ANKRD11: variants seen among roughly 807,000 people sequenced by gnomAD.
The protein encoded by ANKRD11 is ankyrin repeat domain-containing protein 11.
ANKRD11 carries 17 observed loss-of-function variants against 195.7 expected under a neutral mutation model. The observed-to-expected ratio is 0.09, with a 90% CI of 0.06 to 0.13. ANKRD11 has a LOEUF of 0.13. Among genes scored for constraint, ANKRD11 ranks in the 10% least tolerant of loss-of-function variants. ANKRD11 has a pLI of 1.00. For synonymous variants in ANKRD11, 1,953 were observed against 1,528.1 expected (o/e 1.28, Z -6.49); for missense variants, 3,735 against 3,566.1 (o/e 1.05, Z -1.21).
chr16:89,470,359 G>C (rs991616119), intron 1 of ANKRD11, among the ~76,000 whole-genome samples: 2 of 152,120 alleles, frequency 1.3e-5, no homozygotes, highest in African/African-American at 2.4e-5. Context: ...GCACTATTAG[G>C]ACAGGCACAC....
intron 1 of ANKRD11, among the ~76,000 whole-genome samples, chr16:89,456,957 C>CCT (rs1343370236): frequency 2.9e-5 from 4 of 138,228 alleles, no homozygotes; most frequent in Admixed American, 7.3e-5. Context: ...TTATGTGAGT[C>CCT]TTTTTTTTTT....
At position 89,437,166 on chromosome 16, in the gene ANKRD11, G is replaced by A. The variant is rs183188187; in HGVS notation, c.-144-18798C>T. On this transcript the variant is annotated intron_variant, in intron 1 of 12. Coordinates refer to ENST00000301030, the MANE Select transcript of ANKRD11 (RefSeq NM_013275.6). ...AGCGAACAGATCCATCACTGAAAGC[G>A]CAGCACACACCTTCTAACCTGGAAA... 6.6e-5 allele frequency among the ~76,000 whole-genome samples: 10 copies of A among 152,276 alleles called. No individual in the cohort carries two copies. The East Asian group carries it at 7.7e-4, about 12-fold the overall frequency.
intron 2 of ANKRD11, among the ~76,000 whole-genome samples, chr16:89,377,898 C>A (rs1310937482): frequency 6.6e-6 from 1 of 152,074 alleles, no homozygotes; most frequent in Non-Finnish European, 1.5e-5. Context: ...CACCCCTCCT[C>A]CTTCTACTCA....
chr16:89,433,136 A>AC (rs1178657067), intron 1 of ANKRD11, among the ~76,000 whole-genome samples: 2 of 152,192 alleles, frequency 1.3e-5, no homozygotes, highest in African/African-American at 4.8e-5. Context: ...GAACAGATGG[A>AC]TATTCACCAT....
chr16:89,473,800 T>C (rs758490539), intron 1 of ANKRD11, among the ~76,000 whole-genome samples: 12 of 152,284 alleles, frequency 7.9e-5, no homozygotes, highest in Middle Eastern at 3.4e-3. Flanking sequence ...TGTAGCCACC[T>C]TGCCCGGAGT....
intron 2 of ANKRD11, among the ~76,000 whole-genome samples, chr16:89,383,005 T>C (rs1278933021): frequency 6.6e-6 from 1 of 152,212 alleles, no homozygotes; most frequent in African/African-American, 2.4e-5. Context: ...CGTGCCAGGC[T>C]TGTAAAGCGT....
chr16:89,376,646 C>G (rs566275361), intron 2 of ANKRD11, among the ~76,000 whole-genome samples: 1 of 152,144 alleles, frequency 6.6e-6, no homozygotes, highest in African/African-American at 2.4e-5. Flanking sequence ...ACCATGTTGG[C>G]CAGGCTGGTC....
chr16:89,341,608 C>T (rs1248991772), intron 2 of ANKRD11, among the ~76,000 whole-genome samples: 1 of 152,250 alleles, frequency 6.6e-6, no homozygotes, highest in African/African-American at 2.4e-5. Context: ...GCCTCCTCTC[C>T]CACCCCATCC....
rs758643160 is a variant in ANKRD11 at position 89,281,379 on chromosome 16, C to G, written c.5163G>C (p.Thr1721=). The G allele has an allele frequency of 1.2e-6, 2 of 1,608,922 alleles. No homozygotes were observed. Among genetic ancestry groups the G allele is most frequent in the African/African-American group, 1.3e-5 (1 of 74,870 alleles). The part of the protein sequence containing the change: ...SCPSYEEVMH[T]PRTPSCSADD... ...CGGCGCTGCAGGACGGGGTCCTGGG[C>G]GTGTGCATCACCTCCTCGTAGCTGG... The change falls in exon 9 of 13, where the codon ACG becomes ACC. Residue 1721 remains threonine (T), a synonymous_variant. Transcript: ENST00000301030. This position sits in a 1 kb window ranked among gnomAD's most constrained non-coding sequence, Gnocchi z 5.5.
At chr16:89,271,760 T>A (rs950319093) in intron 11 of ANKRD11, 13 of 152,056 alleles carry the variant, frequency 8.5e-5, no homozygotes, top group African/African-American at 2.9e-4. Context: ...TGGATCAAAG[T>A]CTGGAATCCA....
At chr16:89,445,757 C>A (rs1385079928) in intron 1 of ANKRD11, among the ~76,000 whole-genome samples, 4 of 151,816 alleles carry the variant, frequency 2.6e-5, no homozygotes, top group Non-Finnish European at 4.4e-5. Flanking sequence ...GGCAGATCAC[C>A]TGAGGTCAGG....
At chr16:89,467,961 C>G (rs915284341) in intron 1 of ANKRD11, among the ~76,000 whole-genome samples, 5 of 151,936 alleles carry the variant, frequency 3.3e-5, no homozygotes, top group Non-Finnish European at 7.4e-5. Flanking sequence ...CCACCATACC[C>G]AGGTAAGTTT....
In ANKRD11 at chr16:89,281,176, C is replaced by G. The variant is rs1048947362; in HGVS notation, c.5366G>C (p.Arg1789Pro). The G allele has an allele frequency of 6.2e-7, 1 of 1,613,948 alleles. No homozygotes were observed. Among genetic ancestry groups the G allele is most frequent in the Non-Finnish European group, 8.5e-7 (1 of 1,180,020 alleles). Residue 1789 changes from arginine (R) to proline (P), a missense_variant, in exon 9 of 13, where the codon CGC becomes CCC. Transcript: ENST00000301030. This position sits in a 1 kb window ranked among gnomAD's most constrained non-coding sequence, Gnocchi z 5.5. ...CCTCCTAATGTCGACAGAGACCGAGCGGTAAAGGTTTGTGGAGAGAGGCCT... is the reference window on the plus strand; with the variant it reads ...CCTCCTAATGTCGACAGAGACCGAGGGGTAAAGGTTTGTGGAGAGAGGCCT... ...PARPLSTNLY[R>P]SVSVDIRRTP... is the part of the protein sequence containing the mutation.
rs147921757 is a variant in ANKRD11 at position 89,375,186 on chromosome 16, G to A, written c.-60+43098C>T. On this transcript the variant is annotated intron_variant, in intron 2 of 12. Coordinates refer to ENST00000301030, the MANE Select transcript of ANKRD11 (RefSeq NM_013275.6). The stretch of plus-strand genomic sequence containing the variant: ...TCTCACAGCCACAGCCTGTGCTACC[G>A]CGGTGAGCTCAAGTGTGTCGGTATC... Among the ~76,000 whole-genome samples, 873 of 152,148 alleles carry A rather than the reference G, an allele frequency of 5.7e-3. 6 individuals carry two copies. The highest frequency in any genetic ancestry group is 0.02 in the African/African-American group (818 of 41,514).
chr16:89,304,317 C>T (rs932940934), intron 4 of ANKRD11, among the ~76,000 whole-genome samples: 7 of 151,672 alleles, frequency 4.6e-5, no homozygotes, highest in African/African-American at 1.7e-4. Flanking sequence ...CACACGTACA[C>T]ATGGGCACAC....
At chr16:89,376,918 A>G (rs192874061) in intron 2 of ANKRD11, among the ~76,000 whole-genome samples, 1 of 152,358 alleles carries the variant, frequency 6.6e-6, no homozygotes, top group African/African-American at 2.4e-5. Context: ...GCCTTTATCT[A>G]TAAAGCTGCC....
intron 1 of ANKRD11, among the ~76,000 whole-genome samples, chr16:89,441,217 C>G (rs970705237): frequency 6.6e-6 from 1 of 151,390 alleles, no homozygotes; most frequent in East Asian, 1.9e-4. Context: ...GCCTGGGCCA[C>G]AAAGTGAGAC....
chr16:89,381,354 A>AAAAAAAAAAAAAAAAG (rs1555560066), intron 2 of ANKRD11, among the ~76,000 whole-genome samples: 10 of 125,344 alleles, frequency 8.0e-5, no homozygotes, highest in African/African-American at 3.3e-4. Flanking sequence ...AAAAAAAAAA[A>AAAAAAAAAAAAAAAAG]GGGGTGAGAA....
intron 6 of ANKRD11, among the ~76,000 whole-genome samples, chr16:89,289,212 T>C (rs1248415173): frequency 6.6e-6 from 1 of 151,942 alleles, no homozygotes; most frequent in Non-Finnish European, 1.5e-5. Context: ...GCCGCACGCA[T>C]CCGTGGAAAC....
Sources: allele counts gnomAD v4.1 joint callset (sites outside exome capture counted in the v4.1 genomes callset), GRCh38; gene constraint gnomAD v4.1.1; non-coding constraint Gnocchi (gnomAD v3.1); transcripts MANE v1.5; gene names NCBI Gene and HGNC (gene_info 2026-07-23, HGNC 2026-07-21).